Variants in MYH15 observed in about 807,000 individuals in gnomAD.
The protein encoded by MYH15 is myosin heavy chain 15.
In MYH15, 227 loss-of-function variants were observed where a neutral mutation model predicts 240.5. The ratio of observed to expected loss-of-function variants is 0.94; its 90% CI spans 0.85 to 1.05. MYH15 has a LOEUF of 1.05. Among genes scored for constraint, MYH15 ranks in the 50% least tolerant of loss-of-function variants. The pLI is 0.00. For synonymous variants in MYH15, 785 were observed against 796.7 expected (o/e 0.99, Z 0.25); for missense variants, 2,217 against 2,247.5 (o/e 0.99, Z 0.27).
chr3:108,460,365 T>C lies in MYH15; in HGVS notation c.1867A>G (p.Ile623Val), dbSNP rs779079183. ...FENYMSTDSA[I>V]PFGEKKRKKG... Reference sequence around the variant, plus strand: ...TTTCGTTTCTTCTCCCCAAATGGTATAGCTAGCAAAAAAAAAAAAAGAAAA... The same window carrying C: ...TTTCGTTTCTTCTCCCCAAATGGTACAGCTAGCAAAAAAAAAAAAAGAAAA... Residue 623 changes from isoleucine (I) to valine (V), a missense_variant and splice_region_variant, in exon 17 of 41, where the codon ATA (isoleucine) becomes GTA (valine). By Grantham distance (29) the Ile-to-Val change is conservative. Transcript: ENST00000693548. The C allele has an allele frequency of 2.0e-5, 31 of 1,535,440 alleles. No homozygotes were observed. The African/African-American group carries it at 2.1e-4, about 11-fold the overall frequency.
Position 108,507,764 on chromosome 3 carries a change from T to C in MYH15, c.89-1935A>G, listed in dbSNP as rs912522704. On this transcript the variant is annotated intron_variant, in intron 1 of 40. Transcript: ENST00000693548. The stretch of plus-strand genomic sequence containing the variant: ...TGATTGTGCATTTGCTTTCTACTTA[T>C]CATTTGTGTTTTAAATACTGGCTTT... 5.9e-5 allele frequency among the ~76,000 whole-genome samples: 9 copies of C among 152,196 alleles called. 1 individual carries two copies. The East Asian group carries it at 1.7e-3, about 29-fold the overall frequency.
chr3:108,467,111 C>T (rs1437641721), intron 14 of MYH15, among the ~76,000 whole-genome samples: 4 of 151,760 alleles, frequency 2.6e-5, no homozygotes, highest in Admixed American at 2.0e-4. Flanking sequence ...AGTGTAGGCC[C>T]TCAGCACATT....
chr3:108,398,011 A>G lies in MYH15; in HGVS notation c.5133+626T>C, dbSNP rs148747672. 3.3e-3 allele frequency among the ~76,000 whole-genome samples: 502 copies of G among 152,302 alleles called. 3 individuals carry two copies. Among genetic ancestry groups the G allele is most frequent in the African/African-American group, 0.012 (479 of 41,548 alleles). Reference sequence around the variant, plus strand: ...CACACACACACAAAAAGATATGTTGAAGTCCTAACCCCTTATTTATCAGAA... The same window carrying G: ...CACACACACACAAAAAGATATGTTGGAGTCCTAACCCCTTATTTATCAGAA... On this transcript the variant is annotated intron_variant, in intron 35 of 40. Transcript: ENST00000693548.
chr3:108,389,503 A>G (rs1370039043), intron 37 of MYH15, among the ~76,000 whole-genome samples: 1 of 152,090 alleles, frequency 6.6e-6, no homozygotes, highest in African/African-American at 2.4e-5. Flanking sequence ...TGTCACATGT[A>G]TGTCACCCAC....
chr3:108,467,881 G>A (rs1329828730), intron 14 of MYH15, among the ~76,000 whole-genome samples: 1 of 151,970 alleles, frequency 6.6e-6, no homozygotes, highest in Non-Finnish European at 1.5e-5. Context: ...CAGCACAAAT[G>A]TGAAAGGAGG....
intron 7 of MYH15, 131 bp from the exon 8 acceptor site, chr3:108,493,308 A>T: frequency 1.6e-6 from 1 of 638,712 alleles, no homozygotes; most frequent in Middle Eastern, 3.1e-4. Context: ...AACAAACAAA[A>T]AAAAAAAAGA....
the MYH15 span, among the ~76,000 whole-genome samples, chr3:108,542,833 AT>A: frequency 1.3e-5 from 2 of 150,752 alleles, no homozygotes; most frequent in Non-Finnish European, 2.9e-5. Context: ...GCTGAGAATA[AT>A]GGCTTCCAAC....
chr3:108,450,976 C>T (rs2082968479), intron 21 of MYH15, among the ~76,000 whole-genome samples: 1 of 151,460 alleles, frequency 6.6e-6, no homozygotes, highest in Non-Finnish European at 1.5e-5. Context: ...CATGAATGTT[C>T]AAGAAAAAGG....
upstream of MYH15, among the ~76,000 whole-genome samples, chr3:108,529,718 C>T (rs965725432): frequency 3.2e-4 from 48 of 152,216 alleles, no homozygotes; most frequent in African/African-American, 1.1e-3. Flanking sequence ...GATTAATAAA[C>T]ACAAAGGACA....
At chr3:108,498,541 A>G (rs1360290232) in intron 5 of MYH15, among the ~76,000 whole-genome samples, 3 of 152,192 alleles carry the variant, frequency 2.0e-5, no homozygotes, top group Non-Finnish European at 4.4e-5. Context: ...GAAGAGGGCT[A>G]CCAATCACTT....
In MYH15 at chr3:108,430,919, T is replaced by C. The variant is rs2082773639; in HGVS notation, c.3225A>G (p.Lys1075=). The C allele has an allele frequency of 6.2e-7, 1 of 1,602,270 alleles. No homozygotes were observed. Among genetic ancestry groups the C allele is most frequent in the Admixed American group, 1.7e-5 (1 of 59,970 alleles). ...AATTCATCTGACTCAATTCTAATTCTTTTCTGTTTAGAAAAAGATATCAAA... is the reference window on the plus strand; with the variant it reads ...AATTCATCTGACTCAATTCTAATTCCTTTCTGTTTAGAAAAAGATATCAAA... ...QRHLAEELRK[K]ELELSQMNSK... The change falls in exon 26 of 41, where the codon AAA becomes AAG. Residue 1075 remains lysine, a synonymous_variant. Coordinates refer to ENST00000693548, the MANE Select transcript of MYH15 (RefSeq NM_014981.3).
chr3:108,447,830 A>G (rs1438960802), intron 21 of MYH15, among the ~76,000 whole-genome samples: 1 of 152,008 alleles, frequency 6.6e-6, no homozygotes, highest in African/African-American at 2.4e-5. Context: ...TAATACTGTA[A>G]TAATGGTGCA....
At chr3:108,547,250 C>A in the MYH15 span, among the ~76,000 whole-genome samples, 1,318 of 151,938 alleles carry the variant, frequency 8.7e-3, 7 homozygotes, top group Middle Eastern at 0.034. Context: ...GATCTGCCTG[C>A]CTAGGCTTCC....
intron 2 of MYH15, among the ~76,000 whole-genome samples, chr3:108,503,951 A>C (rs1338283943): frequency 6.6e-6 from 1 of 152,250 alleles, no homozygotes; most frequent in African/African-American, 2.4e-5. Context: ...CATATAATGG[A>C]ATACTATTTA....
intron 12 of MYH15, among the ~76,000 whole-genome samples, chr3:108,474,863 A>G (rs1454862219): frequency 1.3e-5 from 2 of 152,154 alleles, no homozygotes; most frequent in African/African-American, 2.4e-5. Context: ...ACATGCGTGG[A>G]GCACTTACGG....
intron 8 of MYH15, 34 bp downstream of exon 8, chr3:108,493,080 A>G: frequency 6.3e-7 from 1 of 1,586,586 alleles, no homozygotes; most frequent in Non-Finnish European, 8.7e-7. Flanking sequence ...GGAAGAAAAG[A>G]AAAAAGTAAT....
chr3:108,534,190 G>C (rs1420413386), upstream of MYH15, among the ~76,000 whole-genome samples: 2 of 152,084 alleles, frequency 1.3e-5, no homozygotes, highest in Non-Finnish European at 2.9e-5. Context: ...AGATGCCTAG[G>C]TTTTATAGAA....
chr3:108,486,091 CTT>C (rs1448920081), intron 10 of MYH15, among the ~76,000 whole-genome samples: 1 of 152,160 alleles, frequency 6.6e-6, no homozygotes, highest in Admixed American at 6.5e-5. Context: ...TAATTACAGT[CTT>C]TTGGTAAAAA....
At position 108,410,860 on chromosome 3, in the gene MYH15, C is replaced by T; in HGVS notation, c.4218G>A (p.Leu1406=). ...MGVANARNAS[L]ERARHQLQLE... ...GCTGCAGCTGGTGCCTGGCTCTCTC[C>T]AAGGAGGCATTTCTGGCATTGGCCA... Residue 1406 remains leucine, a synonymous_variant, in exon 31 of 41, where the codon TTG becomes TTA. Transcript: ENST00000693548. 1 of 1,612,964 alleles carries T rather than the reference C, an allele frequency of 6.2e-7. No homozygotes were observed. The highest frequency in any genetic ancestry group is 8.5e-7 in the Non-Finnish European group (1 of 1,178,998).
Sources: gnomAD v4.1 joint callset for allele counts (sites outside exome capture counted in the v4.1 genomes callset) on GRCh38, gnomAD v4.1.1 for gene constraint, MANE v1.5 for transcripts, NCBI Gene and HGNC (gene_info 2026-07-23, HGNC 2026-07-21) for gene names.